TMEM65: variants seen among roughly 807,000 people sequenced by gnomAD.
The protein encoded by TMEM65 is transmembrane protein 65.
A neutral mutation model predicts 25.4 loss-of-function variants in TMEM65; 22 were observed. The observed-to-expected ratio is 0.86, with a 90% CI of 0.62 to 1.23. TMEM65 has a LOEUF of 1.23. TMEM65 is among the 50% of genes most tolerant of loss of function. TMEM65 has a pLI of 0.00. For missense variants in TMEM65, 262 were observed against 308.2 expected (o/e 0.85, Z 1.12); for synonymous variants, 132 against 126.2 (o/e 1.05, Z -0.31).
chr8:124,317,891 C>T (rs904479006), intron 6 of TMEM65, among the ~76,000 whole-genome samples: 3 of 152,082 alleles, frequency 2.0e-5, no homozygotes, highest in African/African-American at 2.4e-5. Flanking sequence ...GCAGGTGACC[C>T]GTAGATCGGG....
At chr8:124,320,050 C>T in intron 6 of TMEM65, 36 bp downstream of exon 6, 1 of 1,537,784 alleles carries the variant, frequency 6.5e-7, no homozygotes, top group Non-Finnish European at 9.0e-7. Context: ...GCTCTGGCTA[C>T]CCAACTCATT....
chr8:124,371,050 C>A (rs2131236093), intron 1 of TMEM65, among the ~76,000 whole-genome samples: 1 of 152,344 alleles, frequency 6.6e-6, no homozygotes, highest in East Asian at 1.9e-4. Context: ...CTACCCCATT[C>A]TGGACTCCTT....
At chr8:124,322,897 G>C (rs569657010) in intron 4 of TMEM65, among the ~76,000 whole-genome samples, 1 of 152,018 alleles carries the variant, frequency 6.6e-6, no homozygotes, top group Non-Finnish European at 1.5e-5. Context: ...TCATGAGGCT[G>C]AGATAGGAGA....
In TMEM65 at chr8:124,371,905, T is replaced by C. The variant is rs1471382717; in HGVS notation, c.253A>G (p.Ser85Gly). The stretch of plus-strand genomic sequence containing the variant: ...CGGTGCAGCTCTTTGAGCAGGCAGC[T>C]CCTCTCCGTGGAGTGCAGGCTGTAG... ...FIYSLHSTER[S>G]CLLKELHRFE... Residue 85 changes from serine to glycine, a missense_variant, in exon 1 of 7, where the codon AGC (serine) becomes GGC (glycine). Physicochemically the swap from Ser to Gly is moderately conservative, Grantham distance 56. Coordinates refer to ENST00000297632, the MANE Select transcript of TMEM65 (RefSeq NM_194291.3). 6.5e-7 allele frequency: 1 copy of C among 1,549,466 alleles called. No homozygotes were observed. Among genetic ancestry groups the C allele is most frequent in the South Asian group, 1.2e-5 (1 of 84,648 alleles).
chr8:124,355,214 T>C (rs1814763608), intron 1 of TMEM65, among the ~76,000 whole-genome samples: 1 of 152,152 alleles, frequency 6.6e-6, no homozygotes. Context: ...TTCACCTTTT[T>C]TCAAATTGTC....
intron 1 of TMEM65, among the ~76,000 whole-genome samples, chr8:124,369,612 C>A (rs1325100991): frequency 6.6e-6 from 1 of 152,006 alleles, no homozygotes; most frequent in African/African-American, 2.4e-5. Context: ...CAAAAAGCAA[C>A]AATAAAAGAA....
chr8:124,318,363 G>GTTTTTTGTTTT (rs144957064), intron 6 of TMEM65, among the ~76,000 whole-genome samples: 26 of 73,834 alleles, frequency 3.5e-4, no homozygotes, highest in African/African-American at 1.5e-3. Context: ...GAATTTGCAT[G>GTTTTTTGTTTT]TTTTTGTTTT....
At chr8:124,365,807 G>C (rs897225873) in intron 1 of TMEM65, among the ~76,000 whole-genome samples, 2 of 152,206 alleles carry the variant, frequency 1.3e-5, no homozygotes, top group Non-Finnish European at 1.5e-5. Flanking sequence ...TAGAAGGACA[G>C]AGCCTTGCTG....
In TMEM65 at chr8:124,306,505, T is replaced by G. The variant is rs1012900028; in HGVS notation, c.*7455A>C. On this transcript the variant is annotated 3_prime_UTR_variant, in exon 7 of 7. Transcript: ENST00000297632. Reference sequence around the variant, plus strand: ...ATATATTGAAAATTTTTTTGGAAATTTGCAACAATTTAAAAAACTTGCAGA... The same window carrying G: ...ATATATTGAAAATTTTTTTGGAAATGTGCAACAATTTAAAAAACTTGCAGA... 3 of 152,270 alleles carry G rather than the reference T, an allele frequency of 2.0e-5. No homozygotes were observed. The highest frequency in any genetic ancestry group is 4.8e-5 in the African/African-American group (2 of 41,424). 9.4% of individuals were successfully genotyped at this position (152,270 alleles called of 1,614,324 possible).
intron 6 of TMEM65, among the ~76,000 whole-genome samples, chr8:124,316,989 G>A (rs1262457106): frequency 6.6e-6 from 1 of 152,088 alleles, no homozygotes; most frequent in Non-Finnish European, 1.5e-5. Flanking sequence ...CCTACATTTT[G>A]ATTGAAAAGC....
intron 4 of TMEM65, among the ~76,000 whole-genome samples, chr8:124,322,800 A>G (rs1814321440): frequency 6.6e-6 from 1 of 152,098 alleles, no homozygotes; most frequent in African/African-American, 2.4e-5. Context: ...ATTCAAGACC[A>G]TCCTGGCCAA....
intron 1 of TMEM65, among the ~76,000 whole-genome samples, chr8:124,356,799 C>T (rs1814788044): frequency 7.2e-6 from 1 of 138,570 alleles, no homozygotes; most frequent in African/African-American, 2.6e-5. Flanking sequence ...CCTCTGCTTC[C>T]CAGGCTATAG....
intron 1 of TMEM65, among the ~76,000 whole-genome samples, chr8:124,367,567 C>T (rs767482415): frequency 5.3e-5 from 8 of 152,106 alleles, no homozygotes; most frequent in Non-Finnish European, 8.8e-5. Context: ...TGTTAAAGGT[C>T]CAAGATCTCT....
At chr8:124,360,545 C>G (rs1389425966) in intron 1 of TMEM65, among the ~76,000 whole-genome samples, 1 of 151,530 alleles carries the variant, frequency 6.6e-6, no homozygotes, top group Non-Finnish European at 1.5e-5. Flanking sequence ...ATTCACAAAA[C>G]AAATCTAACC....
rs140275129 is a variant in TMEM65 at position 124,367,007 on chromosome 8, C to T, written c.304+4847G>A. ...CACGTCCTTGTTCTTCCCCTCTTGC[C>T]GGGCCTAGGTGGGGCTATACTTCCC... On this transcript the variant is annotated intron_variant, in intron 1 of 6. Transcript: ENST00000297632. Among the ~76,000 whole-genome samples, 1,143 of 152,280 alleles carry T rather than the reference C, an allele frequency of 7.5e-3. 18 individuals carry two copies. Among genetic ancestry groups the T allele is most frequent in the South Asian group, 0.017 (83 of 4,824 alleles).
intron 1 of TMEM65, among the ~76,000 whole-genome samples, chr8:124,355,656 C>T (rs1814769179): frequency 6.6e-6 from 1 of 152,136 alleles, no homozygotes; most frequent in South Asian, 2.1e-4. Context: ...CTTCATCCCA[C>T]CTTTATAATG....
intron 1 of TMEM65, among the ~76,000 whole-genome samples, chr8:124,363,619 C>T (rs1207876840): frequency 2.6e-5 from 4 of 151,868 alleles, no homozygotes; most frequent in Non-Finnish European, 4.4e-5. Flanking sequence ...GGGCGGATCA[C>T]GAGGTCAGGA....
At chr8:124,369,360 A>G (rs1814981043) in intron 1 of TMEM65, among the ~76,000 whole-genome samples, 1 of 152,226 alleles carries the variant, frequency 6.6e-6, no homozygotes, top group East Asian at 1.9e-4. Flanking sequence ...AAGAAAGATA[A>G]GGGCAAATGT....
chr8:124,330,644 G>A (rs1482217916), intron 2 of TMEM65, 104 bp downstream of exon 2: 1 of 1,154,110 alleles, frequency 8.7e-7, no homozygotes, highest in African/African-American at 1.6e-5. Flanking sequence ...ACTCTATCTG[G>A]AAAGATTTAA....
Sources: gnomAD v4.1 joint callset for allele counts (sites outside exome capture counted in the v4.1 genomes callset) on GRCh38, gnomAD v4.1.1 for gene constraint, MANE v1.5 for transcripts, NCBI Gene and HGNC (gene_info 2026-07-23, HGNC 2026-07-21) for gene names.